Variants in ERP44 observed in about 807,000 individuals in gnomAD.
ERP44 encodes endoplasmic reticulum resident protein 44.
Under a neutral mutation model 53.4 loss-of-function variants are expected in ERP44, and 25 were observed. The observed-to-expected ratio is 0.47, with a 90% CI of 0.34 to 0.65. ERP44 has a LOEUF of 0.65. ERP44 is among the 30% of genes least tolerant of loss of function. The pLI is 0.01. For missense variants in ERP44, 338 were observed against 493.2 expected, an observed-to-expected ratio of 0.69 and a Z score of 2.98; for synonymous variants, 145 against 161.2, an observed-to-expected ratio of 0.90 and a Z score of 0.76.
intron 4 of ERP44, among the ~76,000 whole-genome samples, chr9:100,027,334 TCAAA>T (rs1830664329): frequency 6.6e-6 from 1 of 152,266 alleles, no homozygotes; most frequent in Non-Finnish European, 1.5e-5. Flanking sequence ...TGCTTCATTC[TCAAA>T]CAACATCCTG....
chr9:100,004,203 G>A lies in ERP44; in HGVS notation c.1016+2303C>T, dbSNP rs142056567. On this transcript the variant is annotated intron_variant, in intron 10 of 11. Transcript: ENST00000262455. ...GTCTAGCCTGGGTCCTGGGGCTTTA[G>A]GGGCCAGTCTGAAACCTGGATCCAC... Among the ~76,000 whole-genome samples, 35 of 152,292 alleles carry A rather than the reference G, an allele frequency of 2.3e-4. 2 individuals carry two copies. In the East Asian group the frequency reaches 6.6e-3, roughly 29 times the overall value.
intron 1 of ERP44, among the ~76,000 whole-genome samples, chr9:100,068,923 T>A (rs367871820): frequency 6.6e-6 from 1 of 151,536 alleles, no homozygotes; most frequent in Admixed American, 6.6e-5. Flanking sequence ...GACATGGGAG[T>A]CTTTTCATTT....
intron 10 of ERP44, chr9:99,998,395 C>A: frequency 1.6e-6 from 1 of 629,922 alleles, no homozygotes; most frequent in Non-Finnish European, 2.9e-6. Context: ...CCGGATCATA[C>A]AGCTGCAAGG....
At chr9:100,029,456 G>T (rs548347511) in intron 4 of ERP44, among the ~76,000 whole-genome samples, 1 of 152,206 alleles carries the variant, frequency 6.6e-6, no homozygotes, top group South Asian at 2.1e-4. Flanking sequence ...CATACAAATC[G>T]AAACCACAAT....
At chr9:99,991,386 G>T (rs753085114) in intron 10 of ERP44, among the ~76,000 whole-genome samples, 2 of 152,130 alleles carry the variant, frequency 1.3e-5, no homozygotes, top group Non-Finnish European at 2.9e-5. Context: ...ACAACTAAAT[G>T]GAAACTTAAC....
At chr9:100,002,579 T>C (rs78736585) in intron 10 of ERP44, among the ~76,000 whole-genome samples, 406 of 152,328 alleles carry the variant, frequency 2.7e-3, no homozygotes, top group African/African-American at 9.4e-3. Flanking sequence ...TTTGAACATA[T>C]CATCCCACTC....
At chr9:99,994,165 G>A (rs990869357) in intron 10 of ERP44, among the ~76,000 whole-genome samples, 8 of 152,176 alleles carry the variant, frequency 5.3e-5, no homozygotes, top group African/African-American at 1.9e-4. Context: ...TATACCCAAA[G>A]CATTATAAAT....
At chr9:99,985,546 A>G (rs375920756) in intron 10 of ERP44, among the ~76,000 whole-genome samples, 25 of 152,304 alleles carry the variant, frequency 1.6e-4, no homozygotes, top group Middle Eastern at 3.4e-3. Context: ...GCACCATCCA[A>G]TGTCCACCAC....
chr9:100,001,296 T>C (rs530503862), intron 10 of ERP44, among the ~76,000 whole-genome samples: 24 of 152,296 alleles, frequency 1.6e-4, no homozygotes, highest in African/African-American at 5.8e-4. Flanking sequence ...CCATGGGCAC[T>C]TGAGAAGAAT....
chr9:99,983,033 C>G (rs986872115), intron 11 of ERP44, among the ~76,000 whole-genome samples: 1 of 152,160 alleles, frequency 6.6e-6, no homozygotes, highest in African/African-American at 2.4e-5. Flanking sequence ...AGAGACAGCA[C>G]AACCCTAGGT....
intron 1 of ERP44, among the ~76,000 whole-genome samples, chr9:100,093,642 G>GGA (rs1564108104): frequency 9.9e-5 from 14 of 141,778 alleles, no homozygotes; most frequent in African/African-American, 3.1e-4. Context: ...GACCCTGTCT[G>GGA]TGGGGGGGGA....
chr9:99,985,051 C>T lies in ERP44; in HGVS notation c.1035G>A (p.Lys345=), dbSNP rs747200480. The T allele has an allele frequency of 1.2e-6, 2 of 1,611,440 alleles. No individual in the cohort carries two copies. The highest frequency in any genetic ancestry group is 2.2e-5 in the South Asian group (2 of 90,952). The change falls in exon 11 of 12, where the codon AAG becomes AAA. Residue 345 remains lysine, a synonymous_variant. Coordinates refer to ENST00000262455, the MANE Select transcript of ERP44 (RefSeq NM_015051.3). The part of the protein sequence containing the change: ...FKDVLIPGKL[K]QFVFDLHSGK... The stretch of plus-strand genomic sequence containing the variant: ...CAGAATGTAAGTCAAATACGAATTG[C>T]TTGAGTTTTCCAGGAATTCTAAAAC...
chr9:100,016,060 A>G (rs1160805945), intron 8 of ERP44, among the ~76,000 whole-genome samples: 4 of 152,202 alleles, frequency 2.6e-5, no homozygotes, highest in Non-Finnish European at 5.9e-5. Flanking sequence ...GATGGGTATC[A>G]GAATCACCTG....
At chr9:100,057,392 C>T (rs1176777503) in intron 3 of ERP44, among the ~76,000 whole-genome samples, 1 of 152,144 alleles carries the variant, frequency 6.6e-6, no homozygotes, top group African/African-American at 2.4e-5. Context: ...GAAAGTGGTA[C>T]ATAGGGTACT....
At chr9:100,076,444 G>T (rs910391149) in intron 1 of ERP44, among the ~76,000 whole-genome samples, 1 of 152,156 alleles carries the variant, frequency 6.6e-6, no homozygotes, top group African/African-American at 2.4e-5. Context: ...GTTCACAGAT[G>T]GTTCTGCATG....
At chr9:100,044,272 T>C (rs564063209) in intron 4 of ERP44, among the ~76,000 whole-genome samples, 1 of 152,348 alleles carries the variant, frequency 6.6e-6, no homozygotes, top group Admixed American at 6.5e-5. Context: ...CTAGATACCA[T>C]TCCAGTGCTA....
At chr9:99,999,165 C>A (rs1288270932) in intron 10 of ERP44, 1 of 538,518 alleles carries the variant, frequency 1.9e-6, no homozygotes, top group Non-Finnish European at 3.3e-6. Context: ...CTCCGCCCCC[C>A]GACCCTGTCC....
At chr9:100,049,105 T>C (rs577498986) in intron 4 of ERP44, among the ~76,000 whole-genome samples, 1 of 152,300 alleles carries the variant, frequency 6.6e-6, no homozygotes, top group South Asian at 2.1e-4. Flanking sequence ...TCACAATATA[T>C]AAAGAACTCT....
intron 1 of ERP44, among the ~76,000 whole-genome samples, chr9:100,067,545 C>T (rs1826229005): frequency 1.3e-5 from 2 of 152,208 alleles, no homozygotes; most frequent in African/African-American, 4.8e-5. Flanking sequence ...TCGCCACAAC[C>T]TCCACCTCCC....
Sources: gnomAD v4.1 joint callset for allele counts (sites outside exome capture counted in the v4.1 genomes callset) on GRCh38, gnomAD v4.1.1 for gene constraint, MANE v1.5 for transcripts, NCBI Gene and HGNC (gene_info 2026-07-23, HGNC 2026-07-21) for gene names.